The following POLR1B variants were observed in gnomAD, a reference collection of about 807,000 sequenced individuals.
The protein encoded by POLR1B is RNA polymerase I subunit B, also known as DNA-directed RNA polymerase I subunit RPA2.
A neutral mutation model predicts 105.8 loss-of-function variants in POLR1B; 30 were observed. That is an observed-to-expected ratio of 0.28 (90% CI 0.21 to 0.38). POLR1B has a LOEUF of 0.38. POLR1B is among the 10% of genes least tolerant of loss of function. The pLI, the probability that POLR1B is intolerant of heterozygous loss-of-function variation, is 1.00. For synonymous variants in POLR1B, 485 were observed against 505.1 expected (o/e 0.96, Z 0.53); for missense variants, 976 against 1,435.8 (o/e 0.68, Z 5.17).
At chr2:112,546,386 G>A (rs1193822684) in intron 1 of POLR1B, among the ~76,000 whole-genome samples, 1 of 151,898 alleles carries the variant, frequency 6.6e-6, no homozygotes, top group African/African-American at 2.4e-5. Context: ...GAATACACAA[G>A]GCTCTTGGTT....
At chr2:112,552,602 C>T (rs1340224671) in intron 6 of POLR1B, 43 bp from the exon 7 acceptor site, 3 of 1,474,558 alleles carry the variant, frequency 2.0e-6, no homozygotes, top group African/African-American at 1.5e-5. Flanking sequence ...GTAGTATTAC[C>T]AACTGAATTG....
At chr2:112,572,979 A>G (rs774375581) in intron 13 of POLR1B, among the ~76,000 whole-genome samples, 7 of 152,250 alleles carry the variant, frequency 4.6e-5, no homozygotes, top group Non-Finnish European at 8.8e-5. Context: ...ATTTGAGTGC[A>G]TATTATGAGT....
intron 9 of POLR1B, among the ~76,000 whole-genome samples, chr2:112,561,733 A>T (rs1053569914): frequency 2.0e-5 from 3 of 152,202 alleles, no homozygotes; most frequent in Admixed American, 2.0e-4. Context: ...CTTATCTAAC[A>T]CACATGTTTT....
intron 2 of POLR1B, 114 bp from the exon 3 acceptor site, chr2:112,547,307 T>C: frequency 6.7e-7 from 1 of 1,485,754 alleles, no homozygotes. Flanking sequence ...ACCTTCTAAA[T>C]CTAAGGCATA....
chr2:112,551,054 G>C (rs1426729110), intron 5 of POLR1B, 52 bp downstream of exon 5: 1 of 1,544,550 alleles, frequency 6.5e-7, no homozygotes, highest in Non-Finnish European at 8.9e-7. Flanking sequence ...ACTGGGGGTA[G>C]TATCCTGTGC....
In POLR1B at chr2:112,551,799, C is replaced by G. The variant is rs767074859; in HGVS notation, c.787C>G (p.Gln263Glu). ...LKALVSFSDYQIFQELIKGKE... is the reference protein window; with the variant it reads ...LKALVSFSDYEIFQELIKGKE... Reference sequence around the variant, plus strand: ...GGCACTTGTCAGCTTTTCTGATTATCAGATCTTTCAGGAGCTCATCAAAGG... The same window carrying G: ...GGCACTTGTCAGCTTTTCTGATTATGAGATCTTTCAGGAGCTCATCAAAGG... Residue 263 changes from glutamine (Q) to glutamate (E), a missense_variant, in exon 6 of 15, where the codon CAG becomes GAG. Physicochemically the swap from Gln to Glu is conservative, Grantham distance 29 (BLOSUM62 2). Coordinates refer to ENST00000263331, the MANE Select transcript of POLR1B (RefSeq NM_019014.6). 9 of 1,613,546 alleles carry G rather than the reference C, an allele frequency of 5.6e-6. 1 individual carries two copies. In the East Asian group the frequency reaches 2.0e-4, roughly 36 times the overall value.
At position 112,551,949 on chromosome 2, in the gene POLR1B, A is replaced by G. The variant is rs184267541; in HGVS notation, c.937A>G (p.Asn313Asp). 6 of 1,614,208 alleles carry G rather than the reference A, an allele frequency of 3.7e-6. No individual in the cohort carries two copies. The Admixed American group carries it at 5.0e-5, about 13-fold the overall frequency. Residue 313 changes from asparagine to aspartate, a missense_variant, in exon 6 of 15, where the codon AAT (asparagine) becomes GAT (aspartate). By Grantham distance (23) the Asn-to-Asp change is conservative. This residue lies in a region of POLR1B where 452 missense variants were observed against 616.5 expected (regional missense o/e 0.73). Coordinates refer to ENST00000263331, the MANE Select transcript of POLR1B (RefSeq NM_019014.6). Reference sequence around the variant, plus strand: ...AGGTGAATGCTTCAGAGTAAAACTCAATGTTCCTGACTGGTACCCAAATGA... The same window carrying G: ...AGGTGAATGCTTCAGAGTAAAACTCGATGTTCCTGACTGGTACCCAAATGA... ...YLGECFRVKL[N>D]VPDWYPNEQA...
intron 4 of POLR1B, chr2:112,550,644 A>C (rs975442977): frequency 1.8e-6 from 1 of 558,262 alleles, no homozygotes; most frequent in African/African-American, 1.9e-5. Context: ...GCTTAAATTC[A>C]TAGTTTCGGT....
intron 12 of POLR1B, among the ~76,000 whole-genome samples, chr2:112,569,855 G>A (rs540520080): frequency 4.6e-5 from 7 of 151,810 alleles, no homozygotes; most frequent in South Asian, 4.2e-4. Flanking sequence ...CACTGCGCCC[G>A]GCCTCAAATT....
chr2:112,573,171 TG>T (rs1158064025), intron 13 of POLR1B, among the ~76,000 whole-genome samples: 3 of 152,172 alleles, frequency 2.0e-5, no homozygotes, highest in Non-Finnish European at 2.9e-5. Flanking sequence ...GGCACGATCT[TG>T]GCTCACTGCA....
At position 112,552,705 on chromosome 2, in the gene POLR1B, G is replaced by T; in HGVS notation, c.1047G>T (p.Met349Ile). ...NTEKFYMLCLMTRKLFALAKG... is the reference protein window; with the variant it reads ...NTEKFYMLCLITRKLFALAKG... ...AAAAGTTTTATATGCTTTGTCTCATGACGCGAAAGCTCTTTGCTTTAGCCA... is the reference window on the plus strand; with the variant it reads ...AAAAGTTTTATATGCTTTGTCTCATTACGCGAAAGCTCTTTGCTTTAGCCA... The change falls in exon 7 of 15, where the codon ATG (methionine) becomes ATT (isoleucine). Residue 349 changes from methionine (M) to isoleucine (I), a missense_variant. Met to Ile is a conservative substitution (Grantham distance 10). Transcript: ENST00000263331. 6.2e-7 allele frequency: 1 copy of T among 1,611,228 alleles called. No homozygotes were observed. The highest frequency in any genetic ancestry group is 1.3e-5 in the African/African-American group (1 of 74,710).
Position 112,568,016 on chromosome 2 carries a change from C to G in POLR1B, c.1796C>G (p.Pro599Arg), listed in dbSNP as rs989244150. The G allele has an allele frequency of 1.2e-6, 2 of 1,614,050 alleles. No individual in the cohort carries two copies. Among genetic ancestry groups the G allele is most frequent in the Non-Finnish European group, 1.7e-6 (2 of 1,179,942 alleles). ...IPPWMEVVLIPMTGKPSLYPG... is the reference protein window; with the variant it reads ...IPPWMEVVLIRMTGKPSLYPG... ...CCCTGGATGGAAGTGGTCCTTATAC[C>G]CATGACAGGAAAACCAAGTCTGTAC... The change falls in exon 11 of 15, where the codon CCC (proline) becomes CGC (arginine). Residue 599 changes from proline (P) to arginine (R), a missense_variant. Physicochemically the swap from Pro to Arg is moderately radical, Grantham distance 103 (BLOSUM62 -2). Transcript: ENST00000263331.
chr2:112,563,700 C>T (rs1242370899), intron 9 of POLR1B, among the ~76,000 whole-genome samples: 1 of 151,950 alleles, frequency 6.6e-6, no homozygotes, highest in African/African-American at 2.4e-5. Flanking sequence ...GAGTTCGAGA[C>T]CAGCCTAGGC....
In POLR1B at chr2:112,572,770, C is replaced by A; in HGVS notation, c.2271+12C>A. 2 of 1,554,392 alleles carry A rather than the reference C, an allele frequency of 1.3e-6. No homozygotes were observed. The highest frequency in any genetic ancestry group is 1.2e-5 in the South Asian group (1 of 83,368). The stretch of plus-strand genomic sequence containing the variant: ...TGGAAGATGCCATGGTAAGTTTTAC[C>A]AGGAAATGTTGTTCCAATCTTTTTA... On this transcript the variant is annotated intron_variant, in intron 13 of 14. Transcript: ENST00000263331.
At chr2:112,555,544 C>T (rs892158090) in intron 7 of POLR1B, among the ~76,000 whole-genome samples, 1 of 152,110 alleles carries the variant, frequency 6.6e-6, no homozygotes, top group South Asian at 2.1e-4. Flanking sequence ...CCCAGCTACT[C>T]AGCAGGCTGA....
intron 1 of POLR1B, among the ~76,000 whole-genome samples, chr2:112,543,926 T>G (rs542646453): frequency 2.0e-5 from 3 of 150,434 alleles, no homozygotes; most frequent in African/African-American, 7.3e-5. Flanking sequence ...TCCACAAAAA[T>G]TTAAAAATTA....
chr2:112,547,332 A>T (rs1377505353), intron 2 of POLR1B, 89 bp from the exon 3 acceptor site: 7 of 1,499,166 alleles, frequency 4.7e-6, no homozygotes, highest in Non-Finnish European at 6.4e-6. Flanking sequence ...AATTTAATTG[A>T]TCTTCTTCCT....
upstream of POLR1B, chr2:112,542,308 G>C: frequency 6.5e-7 from 1 of 1,528,826 alleles, no homozygotes; most frequent in Non-Finnish European, 8.8e-7. Context: ...CCGTTCACTC[G>C]ACGTTTTTGG....
chr2:112,547,253 T>G (rs1439994236), intron 2 of POLR1B, 74 bp downstream of exon 2: 1 of 1,558,032 alleles, frequency 6.4e-7, no homozygotes, highest in African/African-American at 1.4e-5. Context: ...TAATAAAGTT[T>G]ATGCCAGAAA....
Sources: gnomAD v4.1 joint callset for allele counts (sites outside exome capture counted in the v4.1 genomes callset) on GRCh38, gnomAD v4.1.1 for gene constraint, gnomAD v4.1.1 regional missense constraint, MANE v1.5 for transcripts, NCBI Gene and HGNC (gene_info 2026-07-23, HGNC 2026-07-21) for gene names.